The following INSL6 variants were observed in gnomAD, a reference collection of about 807,000 sequenced individuals.
The protein encoded by INSL6 is insulin like 6.
INSL6 carries 16 observed loss-of-function variants against 9.4 expected under a neutral mutation model. The observed-to-expected ratio is 1.70, with a 90% CI of 1.15 to 2.59. The LOEUF (loss-of-function observed/expected upper bound fraction) is 2.59, where lower values mean the gene tolerates loss of function less well. Ranked by LOEUF, INSL6 falls within the 30% of genes most tolerant of loss-of-function variation. The pLI is 0.00. For missense variants in INSL6, 391 were observed against 257.3 expected, an observed-to-expected ratio of 1.52 and a Z score of -3.56; for synonymous variants, 154 against 96.9, an observed-to-expected ratio of 1.59 and a Z score of -3.46.
the INSL6 span, among the ~76,000 whole-genome samples, chr9:5,056,684 G>T: frequency 6.6e-6 from 1 of 152,104 alleles, no homozygotes; most frequent in Admixed American, 6.5e-5. Context: ...GAAAAAGCTT[G>T]ATAAATATTT....
intron 2 of INSL6, among the ~76,000 whole-genome samples, chr9:5,157,299 T>C (rs1824834897): frequency 6.6e-6 from 1 of 152,114 alleles, no homozygotes; most frequent in Non-Finnish European, 1.5e-5. Context: ...AATACAACTT[T>C]GGAAAAGAAC....
chr9:5,132,696 G>A (rs1368587955), intron 3 of INSL6: 4 of 152,158 alleles, frequency 2.6e-5, no homozygotes, highest in Non-Finnish European at 5.9e-5. Context: ...TAGTGAAACT[G>A]ATCTCCTAAG....
At chr9:5,096,527 T>A in the INSL6 span, 1 of 152,260 alleles carries the variant, frequency 6.6e-6, no homozygotes, top group Non-Finnish European at 1.5e-5. Context: ...GGAGAAGCCC[T>A]GGCAGCATTG....
At chr9:5,011,327 G>A in the INSL6 span, among the ~76,000 whole-genome samples, 8 of 151,940 alleles carry the variant, frequency 5.3e-5, no homozygotes, top group Non-Finnish European at 8.8e-5. Context: ...CTGGGACTAC[G>A]GGCACAGAGC....
chr9:5,106,671 C>A, the INSL6 span, among the ~76,000 whole-genome samples: 1 of 152,106 alleles, frequency 6.6e-6, no homozygotes, highest in Non-Finnish European at 1.5e-5. Flanking sequence ...CAATGATAGA[C>A]TGGATAAGAA....
chr9:5,120,805 C>T (rs571023767), downstream of INSL6, among the ~76,000 whole-genome samples: 3 of 152,130 alleles, frequency 2.0e-5, no homozygotes, highest in East Asian at 1.9e-4. Context: ...GTGAAAGATG[C>T]GTCAAAAATA....
chr9:5,032,230 T>G, the INSL6 span, among the ~76,000 whole-genome samples: 1 of 151,806 alleles, frequency 6.6e-6, no homozygotes, highest in Non-Finnish European at 1.5e-5. Context: ...GAGGGTTGAG[T>G]AGGTAAACAA....
intron 1 of INSL6, among the ~76,000 whole-genome samples, chr9:5,164,679 TTC>T (rs1299206480): frequency 1.3e-5 from 2 of 152,324 alleles, no homozygotes; most frequent in African/African-American, 2.4e-5. Flanking sequence ...CCAATCTACT[TTC>T]TGTTTCTATG....
downstream of INSL6, among the ~76,000 whole-genome samples, chr9:5,160,039 G>C: frequency 6.6e-6 from 1 of 152,052 alleles, no homozygotes; most frequent in East Asian, 1.9e-4. Flanking sequence ...AGCCAGGTGT[G>C]GTTGTGGGTG....
At chr9:4,997,621 T>A in the INSL6 span, among the ~76,000 whole-genome samples, 1 of 152,118 alleles carries the variant, frequency 6.6e-6, no homozygotes, top group Admixed American at 6.5e-5. Context: ...CACATGAAAT[T>A]TAAAGGGGAC....
At chr9:5,012,913 ATAGT>A in the INSL6 span, among the ~76,000 whole-genome samples, 46 of 152,312 alleles carry the variant, frequency 3.0e-4, no homozygotes, top group African/African-American at 1.1e-3. Flanking sequence ...CTTAGGGAAA[ATAGT>A]TAGGAGGACA....
At chr9:5,126,167 T>TAAC in intron 3 of INSL6, 1 of 520,742 alleles carries the variant, frequency 1.9e-6, no homozygotes, top group Non-Finnish European at 3.4e-6. Flanking sequence ...GTTCCATATT[T>TAAC]AACAGCCTTA....
At chr9:5,121,467 C>G (rs554165541), downstream of INSL6, among the ~76,000 whole-genome samples, 2 of 152,124 alleles carry the variant, frequency 1.3e-5, no homozygotes, top group Non-Finnish European at 2.9e-5. Context: ...CTTTTCATAT[C>G]TTCATGACAG....
the INSL6 span, among the ~76,000 whole-genome samples, chr9:5,009,275 C>T: frequency 6.6e-6 from 1 of 151,898 alleles, no homozygotes; most frequent in East Asian, 1.9e-4. Context: ...GCAAAAGAGG[C>T]AAAATTAAGA....
intron 2 of INSL6, among the ~76,000 whole-genome samples, chr9:5,134,359 T>G (rs1013531502): frequency 6.6e-6 from 1 of 152,002 alleles, no homozygotes; most frequent in Non-Finnish European, 1.5e-5. Flanking sequence ...AAGATACTCC[T>G]CGAGAAGAGC....
At chr9:5,163,441 A>G (rs917874933), downstream of INSL6, among the ~76,000 whole-genome samples, 2 of 152,236 alleles carry the variant, frequency 1.3e-5, no homozygotes, top group Non-Finnish European at 2.9e-5. Flanking sequence ...TCAAGGAATT[A>G]GAAGTGTAAC....
At chr9:5,038,985 T>C in the INSL6 span, among the ~76,000 whole-genome samples, 159 of 152,080 alleles carry the variant, frequency 1.0e-3, 1 homozygote, top group African/African-American at 3.6e-3. Context: ...CTCAACACAA[T>C]AGGAATGGCA....
chr9:5,049,683 A>C, the INSL6 span, among the ~76,000 whole-genome samples: 2 of 152,204 alleles, frequency 1.3e-5, no homozygotes, highest in African/African-American at 2.4e-5. Flanking sequence ...TTATACAGTC[A>C]TGTGTCACTT....
chr9:5,168,817 C>T (rs1825115578), intron 1 of INSL6, among the ~76,000 whole-genome samples: 1 of 151,782 alleles, frequency 6.6e-6, no homozygotes, highest in Non-Finnish European at 1.5e-5. Context: ...ATGTTAAGTG[C>T]AGCCAGAGAA....
Sources: allele counts gnomAD v4.1 joint callset (sites outside exome capture counted in the v4.1 genomes callset), GRCh38; gene constraint gnomAD v4.1.1; transcripts MANE v1.5; gene names NCBI Gene and HGNC (gene_info 2026-07-23, HGNC 2026-07-21).